The following CFAP221 variants were observed in gnomAD, a reference collection of about 807,000 sequenced individuals.
CFAP221 encodes cilia- and flagella-associated protein 221.
CFAP221 carries 97 observed loss-of-function variants against 113.1 expected under a neutral mutation model. That is an observed-to-expected ratio of 0.86 (90% CI 0.73 to 1.02). CFAP221 has a LOEUF of 1.02. Ranked by LOEUF, CFAP221 falls within the 50% of genes least tolerant of loss-of-function variation. The pLI is 0.00. For missense variants in CFAP221, 1,025 were observed against 1,013.4 expected, an observed-to-expected ratio of 1.01 and a Z score of -0.16; for synonymous variants, 331 against 354.4, an observed-to-expected ratio of 0.93 and a Z score of 0.74.
At chr2:119,592,361 C>T (rs1189128931) in intron 7 of CFAP221, among the ~76,000 whole-genome samples, 2 of 152,198 alleles carry the variant, frequency 1.3e-5, no homozygotes, top group African/African-American at 4.8e-5. Context: ...GAGGTCAGAG[C>T]CACTGTCTTC....
chr2:119,611,354 C>T (rs931047416), intron 12 of CFAP221, among the ~76,000 whole-genome samples: 4 of 138,248 alleles, frequency 2.9e-5, no homozygotes, highest in Admixed American at 8.2e-5. Flanking sequence ...ACCCGGGAGG[C>T]GGAGCTTGCA....
At chr2:119,628,250 C>A (rs1686484940) in intron 16 of CFAP221, among the ~76,000 whole-genome samples, 1 of 150,800 alleles carries the variant, frequency 6.6e-6, no homozygotes, top group African/African-American at 2.4e-5. Flanking sequence ...ACAATCTAAC[C>A]CATCAGACTC....
chr2:119,654,234 A>T (rs1245354159), intron 23 of CFAP221, among the ~76,000 whole-genome samples: 1 of 152,164 alleles, frequency 6.6e-6, no homozygotes, highest in Non-Finnish European at 1.5e-5. Flanking sequence ...TTTTAAATGG[A>T]ATTCCAGTAA....
At chr2:119,569,388 G>A (rs1239523784) in intron 6 of CFAP221, among the ~76,000 whole-genome samples, 2 of 151,412 alleles carry the variant, frequency 1.3e-5, no homozygotes, top group South Asian at 2.1e-4. Flanking sequence ...AAAGTGCTGG[G>A]ATTACAGATG....
At chr2:119,642,128 G>A (rs1002529446) in intron 21 of CFAP221, among the ~76,000 whole-genome samples, 30 of 152,178 alleles carry the variant, frequency 2.0e-4, no homozygotes, top group African/African-American at 7.2e-4. Flanking sequence ...GTTACTTTCA[G>A]CTTATGTGCC....
chr2:119,579,923 G>A (rs1026962519), intron 6 of CFAP221, among the ~76,000 whole-genome samples: 1 of 152,142 alleles, frequency 6.6e-6, no homozygotes, highest in Admixed American at 6.6e-5. Flanking sequence ...TACTGACCTA[G>A]GGCAACACAG....
chr2:119,564,378 TA>T (rs1374955766), intron 6 of CFAP221, among the ~76,000 whole-genome samples: 1 of 152,212 alleles, frequency 6.6e-6, no homozygotes, highest in Non-Finnish European at 1.5e-5. Flanking sequence ...AAAAGCTCTT[TA>T]AAAATTGTAA....
At chr2:119,610,131 C>T (rs960442889) in intron 12 of CFAP221, among the ~76,000 whole-genome samples, 1 of 152,186 alleles carries the variant, frequency 6.6e-6, no homozygotes, top group Non-Finnish European at 1.5e-5. Context: ...ATGCCCAGAT[C>T]AGTCATTGTG....
At chr2:119,647,166 A>C in intron 22 of CFAP221, 116 bp downstream of exon 22, 1 of 737,072 alleles carries the variant, frequency 1.4e-6, no homozygotes. Context: ...AACTCAAATG[A>C]GAAGATAAGG....
chr2:119,593,526 A>T (rs925544602), intron 7 of CFAP221, among the ~76,000 whole-genome samples: 4 of 152,046 alleles, frequency 2.6e-5, no homozygotes, highest in Non-Finnish European at 5.9e-5. Context: ...AGAGGTGGGG[A>T]GGTGCCAGGT....
intron 8 of CFAP221, chr2:119,602,526 C>T: frequency 1.4e-6 from 1 of 736,704 alleles, no homozygotes; most frequent in African/African-American, 1.9e-5. Context: ...AAGCATATTA[C>T]AAGTGGAGTA....
intron 12 of CFAP221, among the ~76,000 whole-genome samples, chr2:119,608,992 C>T (rs549304023): frequency 3.9e-5 from 6 of 152,272 alleles, no homozygotes; most frequent in African/African-American, 1.2e-4. Flanking sequence ...AACCAGGACC[C>T]ACATCAGAGA....
At position 119,638,396 on chromosome 2, in the gene CFAP221, A is replaced by G. The variant is rs1201704638; in HGVS notation, c.2112A>G (p.Gln704=). 1.5e-5 allele frequency: 25 copies of G among 1,614,016 alleles called. No individual in the cohort carries two copies. The highest frequency in any genetic ancestry group is 2.1e-5 in the Non-Finnish European group (25 of 1,180,034). ...SRHGSSIPVT[Q]KQFLHHTDII... ...ACGGGTCCAGCATTCCTGTCACCCA[A>G]AAGCAGTTTCTCCATCACACGGTAA... Residue 704 remains glutamine, a synonymous_variant, in exon 20 of 24, where the codon CAA becomes CAG. Coordinates refer to ENST00000413369, the MANE Select transcript of CFAP221 (RefSeq NM_001271049.2).
At chr2:119,616,067 A>C (rs1029654695) in intron 14 of CFAP221, among the ~76,000 whole-genome samples, 4 of 152,224 alleles carry the variant, frequency 2.6e-5, no homozygotes, top group Non-Finnish European at 5.9e-5. Context: ...GCCTTTTAAA[A>C]AATCAATTTA....
intron 19 of CFAP221, among the ~76,000 whole-genome samples, chr2:119,635,382 A>T (rs1175333966): frequency 3.3e-5 from 5 of 152,232 alleles, no homozygotes; most frequent in African/African-American, 9.6e-5. Flanking sequence ...GTTCCCAAAC[A>T]TATAAATCTT....
intron 6 of CFAP221, among the ~76,000 whole-genome samples, chr2:119,569,256 C>G (rs1238025219): frequency 6.6e-6 from 1 of 152,012 alleles, no homozygotes; most frequent in Admixed American, 6.5e-5. Context: ...GCCTCAGGGA[C>G]TACAGGCACC....
chr2:119,607,640 C>T (rs965487407), intron 11 of CFAP221, among the ~76,000 whole-genome samples: 4 of 152,104 alleles, frequency 2.6e-5, no homozygotes, highest in Non-Finnish European at 5.9e-5. Context: ...GAAAAAGAAA[C>T]CTCATACCCA....
intron 16 of CFAP221, among the ~76,000 whole-genome samples, chr2:119,628,292 GGGGTGTGTGTGTGTGT>G (rs1306618846): frequency 2.2e-3 from 26 of 12,068 alleles, no homozygotes; most frequent in East Asian, 0.014. Context: ...CTCTCTCTGG[GGGGTGTGTGTGTGTGT>G]GTGTGTGTGT....
At chr2:119,659,332 C>T (rs555963130), downstream of CFAP221, among the ~76,000 whole-genome samples, 9 of 152,318 alleles carry the variant, frequency 5.9e-5, no homozygotes, top group Middle Eastern at 3.4e-3. Flanking sequence ...TTCTTTGTCT[C>T]CTACTCCCAT....
Sources: allele counts gnomAD v4.1 joint callset (sites outside exome capture counted in the v4.1 genomes callset), GRCh38; gene constraint gnomAD v4.1.1; transcripts MANE v1.5; gene names NCBI Gene and HGNC (gene_info 2026-07-23, HGNC 2026-07-21).